Variants in SUGCT observed in about 807,000 individuals in gnomAD.
SUGCT encodes succinyl-CoA:glutarate-CoA transferase, also known as succinyl-CoA:glutarate CoA-transferase.
Under a neutral mutation model 55.0 loss-of-function variants are expected in SUGCT, and 41 were observed. The ratio of observed to expected loss-of-function variants is 0.74; its 90% CI spans 0.58 to 0.97. The LOEUF (loss-of-function observed/expected upper bound fraction) is 0.97, where lower values mean the gene tolerates loss of function less well. Ranked by LOEUF, SUGCT falls within the 50% of genes least tolerant of loss-of-function variation. The pLI is 0.00. For missense variants in SUGCT, 568 were observed against 547.8 expected, an observed-to-expected ratio of 1.04 and a Z score of -0.37; for synonymous variants, 187 against 200.4, an observed-to-expected ratio of 0.93 and a Z score of 0.56.
rs371468530 is a variant in SUGCT, at chr7:40,406,042, C to T, written c.817-43245C>T. 5.3e-5 allele frequency among the ~76,000 whole-genome samples: 8 copies of T among 152,106 alleles called. No individual in the cohort carries two copies. The East Asian group carries it at 1.6e-3, about 30-fold the overall frequency. On this transcript the variant is annotated intron_variant, in intron 9 of 13. Transcript: ENST00000335693. ...GTTTTATCATTCCTTAAATCAGCCT[C>T]CCTGAAAATTTGGAGCATAGGGTTT...
At chr7:40,718,409 A>G (rs1378381154) in intron 12 of SUGCT, among the ~76,000 whole-genome samples, 1 of 152,196 alleles carries the variant, frequency 6.6e-6, no homozygotes, top group South Asian at 2.1e-4. Context: ...GAGATTTGGT[A>G]TTATTAAGTA....
intron 9 of SUGCT, among the ~76,000 whole-genome samples, chr7:40,433,337 C>CTT (rs200117722): frequency 5.6e-5 from 8 of 141,698 alleles, no homozygotes; most frequent in South Asian, 2.2e-4. Flanking sequence ...TTCTTTTTTT[C>CTT]TTTTTTTTTT....
chr7:40,202,135 G>T (rs1261785575), intron 6 of SUGCT, among the ~76,000 whole-genome samples: 2 of 152,094 alleles, frequency 1.3e-5, no homozygotes, highest in Non-Finnish European at 2.9e-5. Flanking sequence ...ACCACGCCCG[G>T]ATAGTTTTTG....
chr7:40,532,938 TTTA>T (rs1227644885), intron 12 of SUGCT, among the ~76,000 whole-genome samples: 3 of 152,170 alleles, frequency 2.0e-5, no homozygotes, highest in Non-Finnish European at 4.4e-5. Flanking sequence ...ATCTTTAATT[TTTA>T]TTGAGTTGCT....
At chr7:40,919,849 A>T in the SUGCT span, among the ~76,000 whole-genome samples, 5 of 152,136 alleles carry the variant, frequency 3.3e-5, no homozygotes, top group Admixed American at 3.3e-4. Context: ...CAGGCCTTTC[A>T]CAGCCTGACT....
intron 9 of SUGCT, among the ~76,000 whole-genome samples, chr7:40,439,199 G>A (rs546113046): frequency 6.8e-6 from 1 of 146,886 alleles, no homozygotes; most frequent in Non-Finnish European, 1.5e-5. Context: ...GGCATAACCC[G>A]AACCTGCCTC....
chr7:40,816,094 C>A (rs1034083174), intron 13 of SUGCT, among the ~76,000 whole-genome samples: 1 of 152,210 alleles, frequency 6.6e-6, no homozygotes, highest in East Asian at 1.9e-4. Flanking sequence ...TGTAGCAGCT[C>A]TCCTTCTGCC....
intron 6 of SUGCT, among the ~76,000 whole-genome samples, chr7:40,205,536 G>T (rs1436714219): frequency 6.6e-6 from 1 of 151,128 alleles, no homozygotes; most frequent in Non-Finnish European, 1.5e-5. Flanking sequence ...AACTCCTTGG[G>T]AGGCTGAGGC....
chr7:40,282,793 A>G (rs1205442254), intron 8 of SUGCT, among the ~76,000 whole-genome samples: 1 of 151,480 alleles, frequency 6.6e-6, no homozygotes, highest in Non-Finnish European at 1.5e-5. Context: ...TTGAGCCCAG[A>G]AATTAGAGGT....
chr7:40,673,510 T>G (rs978932072), intron 12 of SUGCT, among the ~76,000 whole-genome samples: 1 of 152,236 alleles, frequency 6.6e-6, no homozygotes, highest in Non-Finnish European at 1.5e-5. Flanking sequence ...TTCCTCTATT[T>G]AAATCTTGCC....
intron 7 of SUGCT, among the ~76,000 whole-genome samples, chr7:40,249,225 G>A (rs2150923287): frequency 6.7e-6 from 1 of 149,408 alleles, no homozygotes; most frequent in Non-Finnish European, 1.5e-5. Flanking sequence ...CCAGGAGATA[G>A]AGGCTGCAGT....
intron 13 of SUGCT, 130 bp from the exon 14 acceptor site, chr7:40,860,186 C>T (rs762777052): frequency 3.0e-5 from 31 of 1,040,818 alleles, no homozygotes; most frequent in Non-Finnish European, 4.3e-5. Flanking sequence ...AACGTTGATG[C>T]ATCTGGAAGG....
intron 12 of SUGCT, among the ~76,000 whole-genome samples, chr7:40,544,446 G>A (rs891163983): frequency 6.6e-6 from 1 of 152,210 alleles, no homozygotes; most frequent in Non-Finnish European, 1.5e-5. Context: ...CTTGCTGCAA[G>A]GGACTTTCCA....
At chr7:40,312,050 G>GTTTTTTTT (rs35487000) in intron 8 of SUGCT, among the ~76,000 whole-genome samples, 1 of 144,978 alleles carries the variant, frequency 6.9e-6, no homozygotes, top group Non-Finnish European at 1.5e-5. Context: ...CCTCACATAA[G>GTTTTTTTT]TTTTTTTTTT....
intron 9 of SUGCT, among the ~76,000 whole-genome samples, chr7:40,368,466 G>T (rs1416425197): frequency 6.6e-6 from 1 of 151,960 alleles, no homozygotes; most frequent in Non-Finnish European, 1.5e-5. Flanking sequence ...CAAAGTGCTG[G>T]GATTACAGGT....
chr7:40,445,652 C>T (rs1437608535), intron 9 of SUGCT, among the ~76,000 whole-genome samples: 1 of 152,092 alleles, frequency 6.6e-6, no homozygotes, highest in Admixed American at 6.6e-5. Context: ...TTTTATGAGG[C>T]CAGCATCATC....
At chr7:40,522,889 T>C (rs901327946) in intron 12 of SUGCT, among the ~76,000 whole-genome samples, 4 of 152,124 alleles carry the variant, frequency 2.6e-5, no homozygotes, top group Admixed American at 2.0e-4. Flanking sequence ...AACTGACAAA[T>C]ATTTTGCTAA....
intron 11 of SUGCT, among the ~76,000 whole-genome samples, 157 bp downstream of exon 11, chr7:40,459,355 G>T (rs1257298136): frequency 1.3e-5 from 2 of 151,980 alleles, no homozygotes; most frequent in East Asian, 3.9e-4. Flanking sequence ...AAGCTGTGGG[G>T]TTTTTTTGTT....
chr7:40,826,042 T>A (rs1792294934), intron 13 of SUGCT, among the ~76,000 whole-genome samples: 1 of 152,204 alleles, frequency 6.6e-6, no homozygotes, highest in South Asian at 2.1e-4. Flanking sequence ...AAGCTCAAAA[T>A]GTAAAACCCA....
Sources: allele counts gnomAD v4.1 joint callset (sites outside exome capture counted in the v4.1 genomes callset), GRCh38; gene constraint gnomAD v4.1.1; transcripts MANE v1.5; gene names NCBI Gene and HGNC (gene_info 2026-07-23, HGNC 2026-07-21).